The following PCDHGA7 variants were observed in gnomAD, a reference collection of about 807,000 sequenced individuals.
PCDHGA7 encodes protocadherin gamma subfamily A, 7, also known as protocadherin gamma-A7.
PCDHGA7 carries 44 observed loss-of-function variants against 58.3 expected under a neutral mutation model. That is an observed-to-expected ratio of 0.75 (90% CI 0.59 to 0.97). The LOEUF is 0.97. PCDHGA7 is among the 50% of genes least tolerant of loss of function. The probability of loss-of-function intolerance (pLI) is 0.00; values close to 1 mark genes in which losing one functional copy is unlikely to be tolerated. For synonymous variants in PCDHGA7, 516 were observed against 504.2 expected, an observed-to-expected ratio of 1.02 and a Z score of -0.31; for missense variants, 1,266 against 1,188.7, an observed-to-expected ratio of 1.06 and a Z score of -0.96.
At chr5:141,395,508 A>G (rs1313015738) in intron 1 of PCDHGA7, 3 of 461,062 alleles carry the variant, frequency 6.5e-6, no homozygotes, top group Non-Finnish European at 1.1e-5. Flanking sequence ...CTTAAGAAGT[A>G]GCTACCCGTC....
In PCDHGA7 at chr5:141,493,482, G is replaced by T. The variant is rs184736387; in HGVS notation, c.2425-1325G>T. The stretch of plus-strand genomic sequence containing the variant: ...TTTTAGGACCTTACATGTGGGGAAA[G>T]TCTTCTGTGGCTCCTCATTTCTGAG... On this transcript the variant is annotated intron_variant, in intron 1 of 3. Coordinates refer to ENST00000518325, the MANE Select transcript of PCDHGA7 (RefSeq NM_018920.4). The surrounding 1 kb of genome is among the most constrained non-coding windows in gnomAD (Gnocchi z 4.3). 6.6e-6 allele frequency among the ~76,000 whole-genome samples: 1 copy of T among 152,206 alleles called. No individual in the cohort carries two copies. Among genetic ancestry groups the T allele is most frequent in the Admixed American group, 6.5e-5 (1 of 15,282 alleles).
chr5:141,491,898 G>A lies in PCDHGA7; in HGVS notation c.2425-2909G>A, dbSNP rs772673872. 1.6e-5 allele frequency: 23 copies of A among 1,428,816 alleles called. No homozygotes were observed. The highest frequency in any genetic ancestry group is 3.0e-5 in the South Asian group (2 of 66,966). The allele number at this position is 1,428,816 out of a possible 1,614,324, so 88.5% of individuals were successfully genotyped here. A position where few individuals can be genotyped will look rare whatever the true frequency, so the allele number is the denominator to read the frequency against. ...ATTAAGGGATGGGGCTCCGAGCACC[G>A]GGGGTGGTGGCGACTGTGGGCGAGG... On this transcript the variant is annotated intron_variant, in intron 1 of 3. Coordinates refer to ENST00000518325, the MANE Select transcript of PCDHGA7 (RefSeq NM_018920.4). This position sits in a 1 kb window ranked among gnomAD's most constrained non-coding sequence, Gnocchi z 6.9.
intron 1 of PCDHGA7, chr5:141,395,603 G>C: frequency 5.0e-6 from 1 of 198,204 alleles, no homozygotes; most frequent in Non-Finnish European, 1.0e-5. Context: ...TCCCAAACTA[G>C]AACTTCAGAA....
intron 1 of PCDHGA7, chr5:141,402,883 G>A (rs1418475947): frequency 6.7e-7 from 1 of 1,483,116 alleles, no homozygotes; most frequent in South Asian, 1.4e-5. Flanking sequence ...ACTTTGCAGG[G>A]TGGAAGAAAG....
At position 141,385,003 on chromosome 5, in the gene PCDHGA7, T is replaced by C. The variant is rs1480894446; in HGVS notation, c.2104T>C (p.Cys702Arg). The C allele has an allele frequency of 6.2e-7, 1 of 1,614,148 alleles. No homozygotes were observed. The highest frequency in any genetic ancestry group is 1.1e-5 in the South Asian group (1 of 91,088). The change falls in exon 1 of 4, where the codon TGC becomes CGC. Residue 702 changes from cysteine (C) to arginine (R), a missense_variant. By Grantham distance (180) the Cys-to-Arg change is radical (BLOSUM62 -3). Transcript: ENST00000518325. ...GGTGGTGGCGGTGGCCACAGTCTCC[T>C]GCGTCTTCCTAGCCTTCGTCCTCGT... Reference protein sequence around the residue: ...YLVVAVATVSCVFLAFVLVLL... With the variant: ...YLVVAVATVSRVFLAFVLVLL...
chr5:141,414,517 G>C, intron 1 of PCDHGA7: 1 of 1,613,964 alleles, frequency 6.2e-7, no homozygotes, highest in South Asian at 1.1e-5. Context: ...ACAAGTGGCA[G>C]ATATCAATGA....
intron 1 of PCDHGA7, chr5:141,409,203 T>C: frequency 1.2e-6 from 2 of 1,613,964 alleles, no homozygotes; most frequent in Non-Finnish European, 1.7e-6. Flanking sequence ...TGTAAAGTAA[T>C]CATAGAAATC....
Position 141,414,386 on chromosome 5 carries a change from G to A in PCDHGA7, c.2424+29063G>A, listed in dbSNP as rs746637010. On this transcript the variant is annotated intron_variant, in intron 1 of 3. Transcript: ENST00000518325. ...TTTAAATTAGAAAAGTCCATTGACA[G>A]TTATTACAGATTGGTGATACACAGA... is the stretch of plus-strand genomic sequence containing the variant. The A allele has an allele frequency of 1.9e-6, 3 of 1,613,906 alleles. No homozygotes were observed. The Admixed American group carries it at 5.0e-5, about 27-fold the overall frequency.
intron 1 of PCDHGA7, among the ~76,000 whole-genome samples, chr5:141,467,628 CA>C (rs1301043003): frequency 6.6e-6 from 1 of 152,106 alleles, no homozygotes; most frequent in Non-Finnish European, 1.5e-5. Context: ...TTTGAGATAG[CA>C]TCTTTATCAT....
At chr5:141,408,248 G>A in intron 1 of PCDHGA7, 1 of 1,593,412 alleles carries the variant, frequency 6.3e-7, no homozygotes, top group East Asian at 2.3e-5. Context: ...CCCGCGGCAG[G>A]TGCTATTTCC....
intron 1 of PCDHGA7, chr5:141,395,187 T>C: frequency 6.2e-7 from 1 of 1,614,162 alleles, no homozygotes; most frequent in Non-Finnish European, 8.5e-7. Flanking sequence ...TGATTCTTTG[T>C]TAACATCCGT....
rs926566427 is a variant in PCDHGA7, at chr5:141,505,127, A to T, written c.2484-266A>T. Among the ~76,000 whole-genome samples, 9 of 152,158 alleles carry T rather than the reference A, an allele frequency of 5.9e-5. No homozygotes were observed. The East Asian group carries it at 1.5e-3, about 26-fold the overall frequency. The stretch of plus-strand genomic sequence containing the variant: ...CAATGAGCCAAGATCGCGCCACTGC[A>T]CTCCAGCCTGGATGACAGAGTAAGA... On this transcript the variant is annotated intron_variant, in intron 2 of 3. Transcript: ENST00000518325.
chr5:141,384,958 T>A lies in PCDHGA7; in HGVS notation c.2059T>A (p.Tyr687Asn). 6.2e-7 allele frequency: 1 copy of A among 1,613,954 alleles called. No homozygotes were observed. Among genetic ancestry groups the A allele is most frequent in the Non-Finnish European group, 8.5e-7 (1 of 1,179,976 alleles). The change falls in exon 1 of 4, where the codon TAT (tyrosine) becomes AAT (asparagine). Residue 687 changes from tyrosine (Y) to asparagine (N), a missense_variant. Tyr to Asn is a moderately radical substitution (Grantham distance 143). Transcript: ENST00000518325. ...TGAGCCCTCCGACGGTCCTTACAAC[T>A]ATGACCTCACGTTGTACCTGGTGGT... ...SLEPSDGPYN[Y>N]DLTLYLVVAV...
rs534816363 is a variant in PCDHGA7, at chr5:141,456,234, G to T, written c.2425-38573G>T. Among the ~76,000 whole-genome samples the T allele has an allele frequency of 2.2e-4, 33 of 152,224 alleles. 1 individual carries two copies. The South Asian group carries it at 6.9e-3, about 32-fold the overall frequency. On this transcript the variant is annotated intron_variant, in intron 1 of 3. Transcript: ENST00000518325. ...CTGTGGCGATATCAAACTAACTGCT[G>T]TTAGGAGGCTTTGGGCGACCATTGC...
chr5:141,470,016 C>T (rs116065751), intron 1 of PCDHGA7, among the ~76,000 whole-genome samples: 69 of 152,264 alleles, frequency 4.5e-4, no homozygotes, highest in Non-Finnish European at 7.2e-4. Flanking sequence ...GTAATCCCAG[C>T]TACTCGGGAT....
intron 1 of PCDHGA7, chr5:141,389,929 T>A: frequency 6.2e-7 from 1 of 1,614,012 alleles, no homozygotes; most frequent in Non-Finnish European, 8.5e-7. Context: ...CCCTCTGACC[T>A]CCAGGCTGAG....
chr5:141,438,074 T>C (rs963146682), intron 1 of PCDHGA7, among the ~76,000 whole-genome samples: 10 of 152,116 alleles, frequency 6.6e-5, no homozygotes, highest in African/African-American at 2.4e-4. Flanking sequence ...CCATACTTAA[T>C]GGAAAATTAC....
At chr5:141,398,387 G>T in intron 1 of PCDHGA7, 2 of 1,455,430 alleles carry the variant, frequency 1.4e-6, no homozygotes, top group Non-Finnish European at 1.9e-6. Context: ...TTGCTTGTGA[G>T]CAGCAGGCTA....
At chr5:141,412,890 T>G (rs2095584785) in intron 1 of PCDHGA7, 1 of 330,212 alleles carries the variant, frequency 3.0e-6, no homozygotes, top group Non-Finnish European at 5.4e-6. Context: ...AACAGAATAG[T>G]TTACTTTCCA....
Sources: allele counts gnomAD v4.1 joint callset (sites outside exome capture counted in the v4.1 genomes callset), GRCh38; gene constraint gnomAD v4.1.1; non-coding constraint Gnocchi (gnomAD v3.1); transcripts MANE v1.5; gene names NCBI Gene and HGNC (gene_info 2026-07-23, HGNC 2026-07-21).